DNM3: variants seen among roughly 807,000 people sequenced by gnomAD.
DNM3 encodes the protein dynamin 3, also known as dynamin-3.
In DNM3, 47 loss-of-function variants were observed where a neutral mutation model predicts 101.6. The observed-to-expected ratio is 0.46, with a 90% CI of 0.37 to 0.59. DNM3 has a LOEUF of 0.59. Among genes scored for constraint, DNM3 ranks in the 20% least tolerant of loss-of-function variants. The probability of loss-of-function intolerance (pLI) is 0.00; values close to 1 mark genes in which losing one functional copy is unlikely to be tolerated. For synonymous variants in DNM3, 385 were observed against 387.9 expected, an observed-to-expected ratio of 0.99 and a Z score of 0.09; for missense variants, 849 against 1,085.7, an observed-to-expected ratio of 0.78 and a Z score of 3.06.
At chr1:172,202,834 A>T (rs2060199152) in intron 14 of DNM3, among the ~76,000 whole-genome samples, 1 of 152,192 alleles carries the variant, frequency 6.6e-6, no homozygotes. Flanking sequence ...GTTGGACTGT[A>T]GACAATTTAC....
intron 14 of DNM3, among the ~76,000 whole-genome samples, chr1:172,147,675 A>G (rs2057964791): frequency 2.6e-5 from 4 of 152,148 alleles, no homozygotes; most frequent in Admixed American, 2.6e-4. Flanking sequence ...TGTGATATCC[A>G]GATATGCGTA....
At chr1:171,889,854 A>T (rs1400946833) in intron 1 of DNM3, among the ~76,000 whole-genome samples, 1 of 152,224 alleles carries the variant, frequency 6.6e-6, no homozygotes, top group Non-Finnish European at 1.5e-5. Context: ...AGAAGGTGAA[A>T]GTTGGGCTTT....
At chr1:172,283,303 C>T (rs933276355) in intron 15 of DNM3, among the ~76,000 whole-genome samples, 1 of 152,114 alleles carries the variant, frequency 6.6e-6, no homozygotes, top group African/African-American at 2.4e-5. Context: ...CCACTGTGCC[C>T]CACCTCTTTA....
intron 1 of DNM3, among the ~76,000 whole-genome samples, chr1:171,870,519 A>C (rs993432177): frequency 1.3e-5 from 2 of 152,138 alleles, no homozygotes; most frequent in African/African-American, 4.8e-5. Flanking sequence ...GAAGTCTCTC[A>C]TGCACTATTC....
chr1:172,351,719 T>C (rs895893881), intron 17 of DNM3, among the ~76,000 whole-genome samples: 6 of 152,182 alleles, frequency 3.9e-5, no homozygotes, highest in Admixed American at 3.9e-4. Context: ...AAAACAGACT[T>C]CTACCCAACT....
intron 14 of DNM3, among the ~76,000 whole-genome samples, chr1:172,213,535 A>G (rs1010616618): frequency 2.0e-5 from 3 of 151,412 alleles, no homozygotes; most frequent in Non-Finnish European, 4.4e-5. Flanking sequence ...AAAAAAAAAA[A>G]AAAGCCTATT....
At chr1:172,044,307 T>G (rs777351229) in intron 8 of DNM3, 78 bp from the exon 9 acceptor site, 60 of 1,241,720 alleles carry the variant, frequency 4.8e-5, no homozygotes, top group Non-Finnish European at 6.5e-5. Context: ...GAAGTCAAGT[T>G]ATTCTCATTC....
chr1:171,944,636 A>G (rs1267876986), intron 2 of DNM3, among the ~76,000 whole-genome samples: 1 of 151,982 alleles, frequency 6.6e-6, no homozygotes, highest in Non-Finnish European at 1.5e-5. Context: ...GGCTTCCCAA[A>G]GTGCTGGGAT....
intron 13 of DNM3, among the ~76,000 whole-genome samples, chr1:172,113,960 C>T (rs907795000): frequency 2.0e-5 from 3 of 152,152 alleles, no homozygotes; most frequent in Non-Finnish European, 4.4e-5. Context: ...TGTATTGAAT[C>T]GATGCCAGAC....
At chr1:171,965,148 A>C (rs1022427564) in intron 2 of DNM3, among the ~76,000 whole-genome samples, 12 of 149,366 alleles carry the variant, frequency 8.0e-5, no homozygotes, top group Non-Finnish European at 1.5e-5. Context: ...AGGGGTTCAC[A>C]TGCAAATTAA....
chr1:172,067,454 G>A (rs1034959233), intron 10 of DNM3, among the ~76,000 whole-genome samples: 1 of 152,014 alleles, frequency 6.6e-6, no homozygotes, highest in Admixed American at 6.6e-5. Flanking sequence ...TGCTTGATGT[G>A]GCCCCTCTCT....
At chr1:172,284,322 C>A (rs1298923589) in intron 15 of DNM3, among the ~76,000 whole-genome samples, 1 of 152,064 alleles carries the variant, frequency 6.6e-6, no homozygotes, top group Non-Finnish European at 1.5e-5. Context: ...AAACAGATGT[C>A]TGTTTTTTGT....
At chr1:172,301,260 A>G (rs1228364528) in intron 15 of DNM3, among the ~76,000 whole-genome samples, 3 of 152,142 alleles carry the variant, frequency 2.0e-5, no homozygotes, top group African/African-American at 7.2e-5. Flanking sequence ...CCAGCACTTT[A>G]GGAGGTCGAG....
chr1:172,287,624 T>C (rs2063747772), intron 15 of DNM3, among the ~76,000 whole-genome samples: 1 of 152,110 alleles, frequency 6.6e-6, no homozygotes, highest in African/African-American at 2.4e-5. Context: ...ACAGATCAAA[T>C]ATCAAATCAA....
At chr1:171,912,314 A>C (rs1007609269) in intron 1 of DNM3, among the ~76,000 whole-genome samples, 2 of 152,170 alleles carry the variant, frequency 1.3e-5, no homozygotes, top group Non-Finnish European at 2.9e-5. Context: ...TATATCTATG[A>C]TATTAAACTT....
intron 15 of DNM3, among the ~76,000 whole-genome samples, chr1:172,267,886 G>C (rs1019013168): frequency 1.3e-5 from 2 of 151,954 alleles, no homozygotes; most frequent in African/African-American, 4.8e-5. Flanking sequence ...CTAATTTTTT[G>C]TATTTTTAGT....
At chr1:172,405,267 G>A (rs2070789678) in intron 20 of DNM3, among the ~76,000 whole-genome samples, 1 of 151,970 alleles carries the variant, frequency 6.6e-6, no homozygotes, top group African/African-American at 2.4e-5. Context: ...CATAATAAAT[G>A]CAAAATATGT....
intron 14 of DNM3, among the ~76,000 whole-genome samples, chr1:172,240,532 G>GA (rs1171043598): frequency 6.6e-6 from 1 of 152,132 alleles, no homozygotes; most frequent in Non-Finnish European, 1.5e-5. Flanking sequence ...TTATTAAGTT[G>GA]AACTTTTACA....
At chr1:172,359,161 C>CACACACA (rs2067607249) in intron 17 of DNM3, among the ~76,000 whole-genome samples, 2 of 146,372 alleles carry the variant, frequency 1.4e-5, no homozygotes, top group Non-Finnish European at 3.0e-5. Flanking sequence ...CACACACACA[C>CACACACA]ATTTAATCAG....
Sources: allele counts gnomAD v4.1 joint callset (sites outside exome capture counted in the v4.1 genomes callset), GRCh38; gene constraint gnomAD v4.1.1; transcripts MANE v1.5; gene names NCBI Gene and HGNC (gene_info 2026-07-23, HGNC 2026-07-21).